Variants in CTNNA2 observed in about 807,000 individuals in gnomAD.
CTNNA2 encodes catenin alpha-2.
A neutral mutation model predicts 101.0 loss-of-function variants in CTNNA2; 42 were observed. The ratio of observed to expected loss-of-function variants is 0.42; its 90% confidence interval spans 0.32 to 0.54. The LOEUF is 0.54. Ranked by LOEUF, CTNNA2 falls within the 20% of genes least tolerant of loss-of-function variation. CTNNA2 has a pLI of 0.14. For missense variants in CTNNA2, 871 were observed against 1,223.1 expected, an observed-to-expected ratio of 0.71 and a Z score of 4.29; for synonymous variants, 450 against 456.4, an observed-to-expected ratio of 0.99 and a Z score of 0.18.
At chr2:80,646,897 G>A (rs1020758182) in intron 18 of CTNNA2, among the ~76,000 whole-genome samples, 5 of 152,062 alleles carry the variant, frequency 3.3e-5, no homozygotes, top group Admixed American at 1.3e-4. Context: ...AGGGCATGAC[G>A]ATAATGCCTA....
At chr2:79,975,458 G>A (rs1425012583) in intron 7 of CTNNA2, among the ~76,000 whole-genome samples, 4 of 152,088 alleles carry the variant, frequency 2.6e-5, no homozygotes, top group African/African-American at 9.7e-5. Context: ...CACCAGCTGG[G>A]TGTCCTCTAC....
chr2:79,805,675 T>C (rs1676516182), intron 3 of CTNNA2, among the ~76,000 whole-genome samples: 1 of 152,118 alleles, frequency 6.6e-6, no homozygotes, highest in Admixed American at 6.5e-5. Flanking sequence ...CGGTGGCTCA[T>C]GCCTGTAATC....
At chr2:79,340,833 C>CAAAAAAAAAA (rs56276462) in intron 3 of CTNNA2, among the ~76,000 whole-genome samples, 2 of 32,530 alleles carry the variant, frequency 6.1e-5, no homozygotes, top group African/African-American at 1.2e-4. Flanking sequence ...GACTCAGTCT[C>CAAAAAAAAAA]AAAAAAAAAA....
At chr2:80,081,242 G>A (rs888295335) in intron 7 of CTNNA2, among the ~76,000 whole-genome samples, 22 of 152,138 alleles carry the variant, frequency 1.4e-4, no homozygotes, top group African/African-American at 4.3e-4. Context: ...TGGTGTTTTC[G>A]CTTAGAGATG....
At chr2:79,316,712 G>A (rs188752883) in intron 3 of CTNNA2, among the ~76,000 whole-genome samples, 51 of 149,914 alleles carry the variant, frequency 3.4e-4, no homozygotes, top group Admixed American at 9.3e-4. Context: ...TTTTATTTTG[G>A]ATTTTTCATC....
intron 7 of CTNNA2, among the ~76,000 whole-genome samples, chr2:80,236,316 A>T (rs1052330694): frequency 2.0e-5 from 3 of 152,120 alleles, no homozygotes; most frequent in Non-Finnish European, 4.4e-5. Context: ...TATTCCTCTG[A>T]GTATATACCC....
chr2:80,021,922 CT>C (rs1210516897), intron 7 of CTNNA2, among the ~76,000 whole-genome samples: 1 of 148,130 alleles, frequency 6.8e-6, no homozygotes, highest in Non-Finnish European at 1.5e-5. Flanking sequence ...TAATGAATTA[CT>C]TATTAGAATT....
chr2:79,830,518 C>T (rs889294549), intron 3 of CTNNA2, among the ~76,000 whole-genome samples: 7 of 152,194 alleles, frequency 4.6e-5, no homozygotes, highest in African/African-American at 1.7e-4. Flanking sequence ...CTAAGGGAAA[C>T]TTGGTCTACT....
chr2:80,450,662 C>T (rs1683423471), intron 9 of CTNNA2, among the ~76,000 whole-genome samples: 1 of 151,996 alleles, frequency 6.6e-6, no homozygotes. Flanking sequence ...TTTTACAAAA[C>T]CAAAGGAGGG....
chr2:79,592,324 G>A (rs578041859), intron 1 of CTNNA2, among the ~76,000 whole-genome samples: 4 of 151,778 alleles, frequency 2.6e-5, no homozygotes, highest in Non-Finnish European at 4.4e-5. Flanking sequence ...TAGAGATGGG[G>A]TTTCACCATG....
intron 4 of CTNNA2, among the ~76,000 whole-genome samples, chr2:79,431,804 C>T (rs772530897): frequency 7.2e-5 from 11 of 152,268 alleles, no homozygotes; most frequent in Non-Finnish European, 1.2e-4. Context: ...TCAGGCTTTT[C>T]GGTGATGCAA....
At chr2:80,619,414 C>G (rs1670863794) in intron 18 of CTNNA2, among the ~76,000 whole-genome samples, 186 bp downstream of exon 18, 1 of 151,870 alleles carries the variant, frequency 6.6e-6, no homozygotes, top group Non-Finnish European at 1.5e-5. Context: ...GATATATCTT[C>G]AATTGTGGTC....
At chr2:79,635,690 G>A (rs1240159954) in intron 1 of CTNNA2, among the ~76,000 whole-genome samples, 3 of 151,086 alleles carry the variant, frequency 2.0e-5, no homozygotes, top group African/African-American at 7.3e-5. Flanking sequence ...TTTTAGTAGA[G>A]ACGGGGTTTC....
At chr2:79,742,725 C>A (rs1205547950) in intron 2 of CTNNA2, among the ~76,000 whole-genome samples, 1 of 152,100 alleles carries the variant, frequency 6.6e-6, no homozygotes, top group Non-Finnish European at 1.5e-5. Flanking sequence ...TACAGCTAAA[C>A]CACTATTATC....
At chr2:79,782,203 A>G (rs1674499509) in intron 3 of CTNNA2, among the ~76,000 whole-genome samples, 4 of 152,136 alleles carry the variant, frequency 2.6e-5, no homozygotes, top group African/African-American at 9.7e-5. Flanking sequence ...GAGTTAGCCA[A>G]CTTAAAGCAC....
At chr2:80,022,421 A>G (rs1694627507) in intron 7 of CTNNA2, among the ~76,000 whole-genome samples, 1 of 152,178 alleles carries the variant, frequency 6.6e-6, no homozygotes, top group South Asian at 2.1e-4. Flanking sequence ...ATTTAAACAC[A>G]AACAAGGGTG....
intron 2 of CTNNA2, among the ~76,000 whole-genome samples, chr2:79,672,824 C>G (rs1227678715): frequency 2.0e-5 from 3 of 151,688 alleles, no homozygotes; most frequent in Admixed American, 6.6e-5. Context: ...ATTTGCCTGC[C>G]TCAGCCTCCT....
chr2:79,796,361 T>C (rs7560729), intron 3 of CTNNA2, among the ~76,000 whole-genome samples: 40,248 of 146,010 alleles, frequency 0.28, 6,298 homozygotes, highest in African/African-American at 0.43. Flanking sequence ...CGCCGCTGCA[T>C]TCCAGCCTAG....
chr2:79,560,310 T>C (rs1394657199), intron 1 of CTNNA2, among the ~76,000 whole-genome samples: 1 of 151,918 alleles, frequency 6.6e-6, no homozygotes, highest in Non-Finnish European at 1.5e-5. Context: ...AAGTTTGTTT[T>C]CAGAGACCAG....
Sources: gnomAD v4.1 joint callset for allele counts (sites outside exome capture counted in the v4.1 genomes callset) on GRCh38, gnomAD v4.1.1 for gene constraint, MANE v1.5 for transcripts, NCBI Gene and HGNC (gene_info 2026-07-23, HGNC 2026-07-21) for gene names.